Variants in SNX29 observed in about 807,000 individuals in gnomAD.
The protein encoded by SNX29 is sorting nexin 29, also known as sorting nexin-29.
A neutral mutation model predicts 102.1 loss-of-function variants in SNX29; 78 were observed. That is an observed-to-expected ratio of 0.76 (90% CI 0.64 to 0.92). The LOEUF is 0.92. Ranked by LOEUF, SNX29 falls within the 40% of genes least tolerant of loss-of-function variation. The pLI is 0.00. For missense variants in SNX29, 1,280 were observed against 1,061.7 expected, an observed-to-expected ratio of 1.21 and a Z score of -2.86; for synonymous variants, 580 against 414.5, an observed-to-expected ratio of 1.40 and a Z score of -4.85.
chr16:12,555,407 T>C (rs1179621337), intron 20 of SNX29, among the ~76,000 whole-genome samples: 1 of 152,006 alleles, frequency 6.6e-6, no homozygotes, highest in Non-Finnish European at 1.5e-5. Context: ...GCTGGGCTGC[T>C]GGCCCCTCAG....
At chr16:12,220,068 T>C (rs2077435596) in intron 14 of SNX29, among the ~76,000 whole-genome samples, 1 of 152,250 alleles carries the variant, frequency 6.6e-6, no homozygotes, top group African/African-American at 2.4e-5. Context: ...CTGCTGTTAC[T>C]CCAGGGTCTC....
At chr16:12,242,579 T>TTTCTTCTTCTC (rs1201913775) in intron 14 of SNX29, among the ~76,000 whole-genome samples, 5,813 of 149,690 alleles carry the variant, frequency 0.039, 182 homozygotes, top group African/African-American at 0.072. Context: ...TTCTTCTTCT[T>TTTCTTCTTCTC]TTCTTCTTCT....
Position 12,310,844 on chromosome 16 carries a change from C to T in SNX29, c.1782+32808C>T, listed in dbSNP as rs118067551. Reference sequence around the variant, plus strand: ...CAAGGTGGGAACTGCCCAGGGCATCCTGGCACATAGGAGCAGTGCCCTGCT... The same window carrying T: ...CAAGGTGGGAACTGCCCAGGGCATCTTGGCACATAGGAGCAGTGCCCTGCT... On this transcript the variant is annotated intron_variant, in intron 15 of 20. Transcript: ENST00000566228. 4.4e-3 allele frequency among the ~76,000 whole-genome samples: 665 copies of T among 152,290 alleles called. 7 individuals are homozygous for T. The highest frequency in any genetic ancestry group is 0.01 in the Middle Eastern group (3 of 292).
At chr16:12,041,984 T>A (rs2049898076) in intron 4 of SNX29, among the ~76,000 whole-genome samples, 2 of 152,102 alleles carry the variant, frequency 1.3e-5, no homozygotes, top group Admixed American at 6.6e-5. Context: ...GGTTTTAGAG[T>A]CATTTTTATT....
Position 12,199,718 on chromosome 16 carries a change from C to T in SNX29, c.1678+35C>T, listed in dbSNP as rs199699189. The T allele has an allele frequency of 2.6e-4, 415 of 1,586,792 alleles. 1 individual carries two copies. Among genetic ancestry groups the T allele is most frequent in the Admixed American group, 3.3e-4 (19 of 57,792 alleles). Reference sequence around the variant, plus strand: ...AGCCTGAGCCCGGGTTGGGAGGGGCCGGGCTTTTCCATTAACACCTGTACG... The same window carrying T: ...AGCCTGAGCCCGGGTTGGGAGGGGCTGGGCTTTTCCATTAACACCTGTACG... On this transcript the variant is annotated intron_variant, in intron 14 of 20. Coordinates refer to ENST00000566228, the MANE Select transcript of SNX29 (RefSeq NM_032167.5).
chr16:12,225,883 A>G (rs2077597673), intron 14 of SNX29, among the ~76,000 whole-genome samples: 1 of 152,198 alleles, frequency 6.6e-6, no homozygotes, highest in Non-Finnish European at 1.5e-5. Flanking sequence ...ATAATACACT[A>G]GAGTTACTGA....
At chr16:12,424,978 C>T (rs74827313) in intron 18 of SNX29, among the ~76,000 whole-genome samples, 1,692 of 152,344 alleles carry the variant, frequency 0.011, 39 homozygotes, top group African/African-American at 0.038. Flanking sequence ...GGTACATTCA[C>T]ACAGTGGAAC....
intron 18 of SNX29, among the ~76,000 whole-genome samples, chr16:12,435,660 C>G (rs1256731225): frequency 6.6e-6 from 1 of 152,248 alleles, no homozygotes; most frequent in Non-Finnish European, 1.5e-5. Flanking sequence ...TTCTCAGCAG[C>G]TGCATCCAGT....
chr16:12,131,300 TTTG>T (rs1381849224), intron 13 of SNX29, among the ~76,000 whole-genome samples: 1 of 152,238 alleles, frequency 6.6e-6, no homozygotes, highest in Non-Finnish European at 1.5e-5. Context: ...TTTCTGTCAC[TTTG>T]TTTATATACT....
At chr16:12,556,166 C>T (rs969195835) in intron 20 of SNX29, among the ~76,000 whole-genome samples, 1 of 152,132 alleles carries the variant, frequency 6.6e-6, no homozygotes, top group African/African-American at 2.4e-5. Flanking sequence ...GCTTTGTCGC[C>T]ATGACACATC....
intron 11 of SNX29, among the ~76,000 whole-genome samples, chr16:12,121,785 T>TTTGTTTATTTATTCATTTA (rs1239192042): frequency 6.6e-6 from 1 of 151,920 alleles, no homozygotes; most frequent in Non-Finnish European, 1.5e-5. Context: ...TAAGGGTGGG[T>TTTGTTTATTTATTCATTTA]TTGTTTATTT....
At chr16:12,117,383 G>A (rs75227632) in intron 11 of SNX29, among the ~76,000 whole-genome samples, 3,312 of 61,320 alleles carry the variant, frequency 0.054, 43 homozygotes, top group Non-Finnish European at 0.077. Flanking sequence ...CGGACGAACC[G>A]TGGAAACAGG....
intron 16 of SNX29, among the ~76,000 whole-genome samples, chr16:12,365,487 C>T (rs1454637217): frequency 2.0e-5 from 3 of 149,524 alleles, no homozygotes; most frequent in Admixed American, 6.7e-5. Context: ...GTCAGGAGTT[C>T]GAGACCGGCC....
chr16:12,355,863 A>G (rs1247898801), intron 15 of SNX29, among the ~76,000 whole-genome samples: 1 of 150,286 alleles, frequency 6.7e-6, no homozygotes, highest in Non-Finnish European at 1.5e-5. Flanking sequence ...AAAAAAAAAA[A>G]AAAAAAAAAA....
chr16:12,515,613 C>T (rs1327877661), intron 19 of SNX29: 2 of 487,694 alleles, frequency 4.1e-6, no homozygotes, highest in African/African-American at 3.9e-5. Context: ...AAGTCACCTC[C>T]TCCCAGGTGC....
intron 18 of SNX29, among the ~76,000 whole-genome samples, chr16:12,426,497 T>C (rs904875179): frequency 6.6e-6 from 1 of 152,146 alleles, no homozygotes; most frequent in Non-Finnish European, 1.5e-5. Flanking sequence ...AATGGGAACA[T>C]CTGGTAGAAT....
intron 20 of SNX29, among the ~76,000 whole-genome samples, chr16:12,563,668 G>T (rs1476914120): frequency 6.6e-6 from 1 of 152,116 alleles, no homozygotes; most frequent in African/African-American, 2.4e-5. Context: ...TCAATTCCCC[G>T]AGAGCCCATG....
At chr16:12,495,789 C>G (rs941541421) in intron 19 of SNX29, among the ~76,000 whole-genome samples, 5 of 152,294 alleles carry the variant, frequency 3.3e-5, no homozygotes, top group African/African-American at 1.2e-4. Context: ...CGTGGTGGCT[C>G]ACGCCTGTAA....
rs140529430 is a variant in SNX29, at chr16:12,571,956, T to G, written c.*3327T>G. The G allele has an allele frequency of 1.8e-3, 1,963 of 1,061,712 alleles. 2 individuals are homozygous for G. The highest frequency in any genetic ancestry group is 5.1e-3 in the Middle Eastern group (12 of 2,372). 65.8% of individuals were successfully genotyped at this position (1,061,712 alleles called of 1,614,324 possible). On this transcript the variant is annotated 3_prime_UTR_variant, in exon 21 of 21. Coordinates refer to ENST00000566228, the MANE Select transcript of SNX29 (RefSeq NM_032167.5). ...AAGACACTTTCAGGGAAGAGGCTCTTACAGTCTATGGTGGTAGCCATCTTC... is the reference window on the plus strand; with the variant it reads ...AAGACACTTTCAGGGAAGAGGCTCTGACAGTCTATGGTGGTAGCCATCTTC...
Sources: allele counts gnomAD v4.1 joint callset (sites outside exome capture counted in the v4.1 genomes callset), GRCh38; gene constraint gnomAD v4.1.1; transcripts MANE v1.5; gene names NCBI Gene and HGNC (gene_info 2026-07-23, HGNC 2026-07-21).